IGSF10: variants seen among roughly 807,000 people sequenced by gnomAD.
The protein encoded by IGSF10 is calvaria mechanical force protein 608.
IGSF10 carries 126 observed loss-of-function variants against 128.2 expected under a neutral mutation model. That is an observed-to-expected ratio of 0.98 (90% CI 0.85 to 1.14). IGSF10 has a LOEUF of 1.14. Among genes scored for constraint, IGSF10 ranks in the 50% most tolerant of loss-of-function variants. The pLI is 0.00. For missense variants in IGSF10, 3,295 were observed against 3,149.8 expected (o/e 1.05, Z -1.10); for synonymous variants, 1,185 against 1,146.2 (o/e 1.03, Z -0.68).
chr3:151,581,609 C>T, the IGSF10 span, among the ~76,000 whole-genome samples: 2 of 152,298 alleles, frequency 1.3e-5, no homozygotes, highest in East Asian at 3.9e-4. Flanking sequence ...TTTTTCTTCC[C>T]ACTGCTAGAA....
intron 3 of IGSF10, among the ~76,000 whole-genome samples, chr3:151,458,000 C>G (rs1476115374): frequency 1.3e-5 from 2 of 151,724 alleles, no homozygotes; most frequent in Non-Finnish European, 2.9e-5. Context: ...CACACACAGA[C>G]TTTTTTTTCA....
chr3:151,611,244 C>T, the IGSF10 span, among the ~76,000 whole-genome samples: 3 of 152,046 alleles, frequency 2.0e-5, no homozygotes, highest in African/African-American at 7.2e-5. Flanking sequence ...AAATGATATC[C>T]CTATAAAATA....
At chr3:151,501,142 C>T in the IGSF10 span, among the ~76,000 whole-genome samples, 1 of 151,958 alleles carries the variant, frequency 6.6e-6, no homozygotes, top group Non-Finnish European at 1.5e-5. Flanking sequence ...AAGATCTGTC[C>T]CAAAATTCAA....
chr3:151,447,281 T>C lies in IGSF10; in HGVS notation c.2700A>G (p.Ala900=), dbSNP rs768343582. 4.3e-6 allele frequency: 7 copies of C among 1,614,240 alleles called. No individual in the cohort carries two copies. The East Asian group carries it at 1.6e-4, about 36-fold the overall frequency. ...SSTVFPLLLG[A]TEFQDSDQMG... is the part of the protein sequence containing the mutation. ...TCTGGTCAGAGTCCTGAAATTCAGT[T>C]GCTCCAAGTAGCAGTGGAAAGACAG... Residue 900 remains alanine, a synonymous_variant, in exon 6 of 8, where the codon GCA becomes GCG. Transcript: ENST00000282466.
chr3:151,605,251 A>G, the IGSF10 span, among the ~76,000 whole-genome samples: 2 of 101,562 alleles, frequency 2.0e-5, no homozygotes, highest in Non-Finnish European at 4.0e-5. Context: ...CTGTATTGCT[A>G]TGGTGGTTAC....
intron 7 of IGSF10, among the ~76,000 whole-genome samples, chr3:151,439,092 G>GTAAT: frequency 6.6e-6 from 1 of 152,166 alleles, no homozygotes; most frequent in Non-Finnish European, 1.5e-5. Context: ...CCGTTACATA[G>GTAAT]TAATTTTTTA....
the IGSF10 span, among the ~76,000 whole-genome samples, chr3:151,598,110 T>A: frequency 0.1 from 14,863 of 148,554 alleles, 1,411 homozygotes; most frequent in African/African-American, 0.23. Flanking sequence ...TGTGTGTGTG[T>A]GAATACTTCA....
In IGSF10 at chr3:151,453,489, T is replaced by C. The variant is rs1331790926; in HGVS notation, c.610A>G (p.Met204Val). The part of the protein sequence containing the change: ...DNFLTSLPQE[M>V]VSYMPDLDSL... ...TCTAGGTCAGGCATATAGGAGACCA[T>C]CTCTTGAGGGAGGGAGGTCAGGAAG... The change falls in exon 5 of 8, where the codon ATG becomes GTG. Residue 204 changes from methionine (M) to valine (V), a missense_variant. Transcript: ENST00000282466. The C allele has an allele frequency of 1.2e-6, 2 of 1,613,904 alleles. No homozygotes were observed. Among genetic ancestry groups the C allele is most frequent in the South Asian group, 1.1e-5 (1 of 91,072 alleles).
the IGSF10 span, among the ~76,000 whole-genome samples, chr3:151,597,440 G>T: frequency 6.6e-6 from 1 of 152,204 alleles, no homozygotes; most frequent in South Asian, 2.1e-4. Context: ...AGTAAATAAA[G>T]ATGAGGAAGA....
chr3:151,443,004 A>AG lies in IGSF10; in HGVS notation c.5942dup (p.Val1982CysfsTer7). 6.2e-7 allele frequency: 1 copy of AG among 1,613,932 alleles called. No homozygotes were observed. ...CTTACCTATGCTGCTGGTCGACCAC[A>AG]GCCTTGGATGGTAACCTCCACATTA... is the stretch of plus-strand genomic sequence containing the variant. On this transcript the variant is annotated frameshift_variant, in exon 7 of 8. Coordinates refer to ENST00000282466, the MANE Select transcript of IGSF10 (RefSeq NM_178822.5). LOFTEE classifies it low-confidence loss of function (END_TRUNC).
At chr3:151,516,852 C>T in the IGSF10 span, among the ~76,000 whole-genome samples, 5 of 152,056 alleles carry the variant, frequency 3.3e-5, no homozygotes, top group Admixed American at 1.3e-4. Flanking sequence ...GCAATGAGTA[C>T]AGTTGTCACC....
chr3:151,460,699 G>A (rs1025520654), intron 1 of IGSF10, among the ~76,000 whole-genome samples: 1 of 151,446 alleles, frequency 6.6e-6, no homozygotes, highest in Non-Finnish European at 1.5e-5. Flanking sequence ...TGTCACAGAT[G>A]TCTCCATCTA....
chr3:151,571,627 C>T, the IGSF10 span, among the ~76,000 whole-genome samples: 15 of 152,090 alleles, frequency 9.9e-5, no homozygotes, highest in Admixed American at 1.3e-4. Flanking sequence ...TGGGCTGAGA[C>T]GATGGGGTTT....
chr3:151,476,425 G>A, the IGSF10 span, among the ~76,000 whole-genome samples: 2 of 145,868 alleles, frequency 1.4e-5, no homozygotes, highest in African/African-American at 5.6e-5. Flanking sequence ...TGGGGCAAAA[G>A]TTTTATAGTC....
the IGSF10 span, among the ~76,000 whole-genome samples, chr3:151,504,708 C>G: frequency 6.6e-6 from 1 of 152,184 alleles, no homozygotes; most frequent in Non-Finnish European, 1.5e-5. Context: ...GAACTATAAC[C>G]TAAATGAAAT....
chr3:151,547,925 C>T, the IGSF10 span, among the ~76,000 whole-genome samples: 2 of 152,160 alleles, frequency 1.3e-5, no homozygotes, highest in South Asian at 2.1e-4. Context: ...AACCTGAAGT[C>T]ATTCTAGTTT....
At chr3:151,558,006 A>ATATATATAT in the IGSF10 span, among the ~76,000 whole-genome samples, 41 of 26,650 alleles carry the variant, frequency 1.5e-3, no homozygotes, top group Middle Eastern at 0.01. Context: ...AGTATATATA[A>ATATATATAT]TATATATATA....
chr3:151,440,801 T>A (rs1720810308), intron 7 of IGSF10: 1 of 354,020 alleles, frequency 2.8e-6, no homozygotes, highest in Non-Finnish European at 5.7e-6. Context: ...GGATTAAAGG[T>A]TTCCATGTGC....
At chr3:151,522,048 A>C in the IGSF10 span, among the ~76,000 whole-genome samples, 3,208 of 152,084 alleles carry the variant, frequency 0.021, 113 homozygotes, top group African/African-American at 0.073. Flanking sequence ...ATAAAGATAA[A>C]CATCAGAAAC....
Sources: gnomAD v4.1 joint callset for allele counts (sites outside exome capture counted in the v4.1 genomes callset) on GRCh38, gnomAD v4.1.1 for gene constraint, MANE v1.5 for transcripts, NCBI Gene and HGNC (gene_info 2026-07-23, HGNC 2026-07-21) for gene names.